Variants in SMARCA1 observed in about 807,000 individuals in gnomAD.
The protein encoded by SMARCA1 is SNF2 related chromatin remodeling ATPase 1, also known as SWI/SNF-related matrix-associated actin-dependent regulator of chromatin subfamily A member 1.
A neutral mutation model predicts 93.6 loss-of-function variants in SMARCA1; 17 were observed. The ratio of observed to expected loss-of-function variants is 0.18; its 90% CI spans 0.12 to 0.27. The LOEUF (loss-of-function observed/expected upper bound fraction) is 0.27, where lower values mean the gene tolerates loss of function less well. Ranked by LOEUF, SMARCA1 falls within the 10% of genes least tolerant of loss-of-function variation. SMARCA1 has a pLI of 1.00. For synonymous variants in SMARCA1, 271 were observed against 271.4 expected (o/e 1.00, Z 0.01); for missense variants, 630 against 819.0 (o/e 0.77, Z 2.82).
intron 9 of SMARCA1, 48 bp downstream of exon 9, chrX:129,504,686 T>C: frequency 1.1e-6 from 1 of 907,436 alleles, no homozygotes; most frequent in Non-Finnish European, 1.6e-6. Context: ...CTGGGTCAGT[T>C]TGTGTATACT....
intron 8 of SMARCA1, 28 bp downstream of exon 8, chrX:129,506,052 A>G (rs972828302): frequency 9.0e-7 from 1 of 1,106,860 alleles, no homozygotes; most frequent in African/African-American, 1.8e-5. Context: ...TAAGAAAGTT[A>G]TACTTAAAAC....
At chrX:129,494,326 T>C (rs1057290990) in intron 12 of SMARCA1, among the ~76,000 whole-genome samples, 2 of 111,643 alleles carry the variant, frequency 1.8e-5, no homozygotes, top group African/African-American at 6.5e-5. Context: ...CAGGAATAAG[T>C]CAGCAAAAGC....
intron 12 of SMARCA1, among the ~76,000 whole-genome samples, chrX:129,496,266 T>G (rs1324548364): frequency 9.4e-6 from 1 of 105,981 alleles, no homozygotes; most frequent in Non-Finnish European, 1.9e-5. Context: ...TCACATTTAG[T>G]TTTTACAAGA....
chrX:129,523,169 A>G, intron 1 of SMARCA1, 28 bp downstream of exon 1: 1 of 1,204,820 alleles, frequency 8.3e-7, no homozygotes, highest in East Asian at 3.0e-5. Context: ...GGATTTGTCC[A>G]CCACACACAC....
chrX:129,474,048 A>T (rs1345525570), intron 19 of SMARCA1, among the ~76,000 whole-genome samples: 1 of 111,945 alleles, frequency 8.9e-6, no homozygotes, highest in Non-Finnish European at 1.9e-5. Context: ...CAACTTTGAG[A>T]TGCATAATAA....
intron 9 of SMARCA1, among the ~76,000 whole-genome samples, chrX:129,501,327 G>A (rs1453831990): frequency 4.7e-5 from 5 of 107,201 alleles, no homozygotes; most frequent in Non-Finnish European, 9.6e-5. Flanking sequence ...ACAGAGTCTC[G>A]CTCTGTCACC....
At chrX:129,488,885 A>T (rs938735363) in intron 16 of SMARCA1, 52 bp downstream of exon 16, 7 of 775,669 alleles carry the variant, frequency 9.0e-6, no homozygotes, top group Non-Finnish European at 1.3e-5. Flanking sequence ...ATGCTGAAGT[A>T]TGTTGATATT....
intron 19 of SMARCA1, among the ~76,000 whole-genome samples, chrX:129,477,420 G>A (rs1933436665): frequency 9.0e-6 from 1 of 110,774 alleles, no homozygotes; most frequent in Admixed American, 9.6e-5. Flanking sequence ...GGGCGTAGTG[G>A]CATGCACCTG....
chrX:129,490,153 C>T lies in SMARCA1; in HGVS notation c.1855G>A (p.Val619Ile), dbSNP rs772198510. 3 of 1,192,965 alleles carry T rather than the reference C, an allele frequency of 2.5e-6. No individual in the cohort carries two copies. In the Admixed American group the frequency reaches 6.5e-5, roughly 26 times the overall value. The change falls in exon 15 of 25, where the codon GTA becomes ATA. Residue 619 changes from valine to isoleucine, a missense_variant. Physicochemically the swap from Val to Ile is conservative, Grantham distance 29. Coordinates refer to ENST00000371121, the MANE Select transcript of SMARCA1 (RefSeq NM_001282874.2). ...GTGTTGTCAGTGATGAGACGGAATA[C>T]ACGTACTGGTTTCTTCTGACCAATA... ...HRIGQKKPVR[V>I]FRLITDNTVE...
intron 17 of SMARCA1, among the ~76,000 whole-genome samples, chrX:129,483,698 A>C (rs1032711826): frequency 6.2e-5 from 7 of 112,073 alleles, no homozygotes; most frequent in African/African-American, 2.3e-4. Context: ...CTTTCAAAAA[A>C]AAGAATAAAT....
chrX:129,456,136 T>C (rs1932611915), intron 23 of SMARCA1, among the ~76,000 whole-genome samples: 1 of 111,777 alleles, frequency 8.9e-6, no homozygotes, highest in African/African-American at 3.2e-5. Flanking sequence ...CCAACGCTCA[T>C]TTATTATTCT....
chrX:129,482,123 T>G (rs199648184), intron 17 of SMARCA1, among the ~76,000 whole-genome samples: 1 of 84,841 alleles, frequency 1.2e-5, no homozygotes, highest in Non-Finnish European at 2.2e-5. Context: ...TAGGTGGGAA[T>G]TGAACAATGA....
At chrX:129,474,832 T>A (rs1343585901) in intron 19 of SMARCA1, among the ~76,000 whole-genome samples, 1 of 110,959 alleles carries the variant, frequency 9.0e-6, no homozygotes, top group Non-Finnish European at 1.9e-5. Flanking sequence ...TGAGAGGTAA[T>A]TGAATCATGG....
intron 8 of SMARCA1, among the ~76,000 whole-genome samples, chrX:129,505,250 C>T (rs1183803305): frequency 8.9e-6 from 1 of 111,852 alleles, no homozygotes; most frequent in Non-Finnish European, 1.9e-5. Context: ...GTGGCTCACA[C>T]CTGTAATCCC....
At chrX:129,455,111 A>C (rs2124165171) in intron 23 of SMARCA1, among the ~76,000 whole-genome samples, 1 of 111,657 alleles carries the variant, frequency 9.0e-6, no homozygotes, top group South Asian at 3.8e-4. Flanking sequence ...CTGAGTATGT[A>C]CCCAAAGGAT....
chrX:129,469,072 G>C (rs1237313195), intron 20 of SMARCA1, among the ~76,000 whole-genome samples, 167 bp from the exon 21 acceptor site: 1 of 112,384 alleles, frequency 8.9e-6, no homozygotes, highest in African/African-American at 3.2e-5. Context: ...AGTTGAGTGA[G>C]AGTTGTTATA....
At chrX:129,492,368 T>C (rs1053350105) in intron 13 of SMARCA1, among the ~76,000 whole-genome samples, 36 of 111,822 alleles carry the variant, frequency 3.2e-4, no homozygotes, top group African/African-American at 1.1e-3. Flanking sequence ...GATACAAATT[T>C]AGAACAATTA....
chrX:129,465,403 AAGAG>A (rs1157850950), intron 23 of SMARCA1, 113 bp downstream of exon 23: 1 of 486,649 alleles, frequency 2.1e-6, no homozygotes, highest in Non-Finnish European at 3.6e-6. Flanking sequence ...GAGAGAGAGA[AAGAG>A]AGAGCGCCAA....
At chrX:129,477,058 CA>C (rs1337209683) in intron 19 of SMARCA1, among the ~76,000 whole-genome samples, 1 of 111,435 alleles carries the variant, frequency 9.0e-6, no homozygotes, top group Non-Finnish European at 1.9e-5. Flanking sequence ...AGTCTTAAGA[CA>C]ATACAGAAGC....
Sources: gnomAD v4.1 joint callset for allele counts (sites outside exome capture counted in the v4.1 genomes callset) on GRCh38, gnomAD v4.1.1 for gene constraint, MANE v1.5 for transcripts, NCBI Gene and HGNC (gene_info 2026-07-23, HGNC 2026-07-21) for gene names.